Variants in NTRK2 observed in about 807,000 individuals in gnomAD.
NTRK2 encodes neurotrophic receptor tyrosine kinase 2.
NTRK2 carries 13 observed loss-of-function variants against 94.5 expected under a neutral mutation model. That is an observed-to-expected ratio of 0.14 (90% CI 0.09 to 0.22). NTRK2 has a LOEUF of 0.22. Ranked by LOEUF, NTRK2 falls within the 10% of genes least tolerant of loss-of-function variation. NTRK2 has a pLI of 1.00. For missense variants in NTRK2, 639 were observed against 1,071.2 expected, an observed-to-expected ratio of 0.60 and a Z score of 5.63; for synonymous variants, 372 against 407.4, an observed-to-expected ratio of 0.91 and a Z score of 1.05.
chr9:84,978,933 A>G (rs1161554585), intron 17 of NTRK2, among the ~76,000 whole-genome samples: 11 of 152,224 alleles, frequency 7.2e-5, no homozygotes, highest in Non-Finnish European at 7.3e-5. Context: ...TGTTTACACC[A>G]TGGTTAACTG....
chr9:84,679,964 C>A (rs1307451196), intron 2 of NTRK2, among the ~76,000 whole-genome samples: 2 of 152,084 alleles, frequency 1.3e-5, no homozygotes, highest in African/African-American at 4.8e-5. Context: ...CCATTCCTGG[C>A]CCACTTCTGT....
intron 12 of NTRK2, among the ~76,000 whole-genome samples, chr9:84,825,285 T>G (rs976606696): frequency 7.2e-5 from 11 of 152,066 alleles, no homozygotes; most frequent in Admixed American, 2.6e-4. Flanking sequence ...TTCCACCCCC[T>G]GAGCCCCACA....
chr9:84,781,868 C>T (rs2067604204), intron 12 of NTRK2, among the ~76,000 whole-genome samples: 1 of 152,136 alleles, frequency 6.6e-6, no homozygotes. Context: ...TCTCTAGCGT[C>T]TTTCTTTTCA....
chr9:84,848,018 A>G (rs905689961), intron 12 of NTRK2, among the ~76,000 whole-genome samples: 5 of 151,942 alleles, frequency 3.3e-5, no homozygotes, highest in Admixed American at 3.3e-4. Context: ...TGGTTTGCCA[A>G]TGGCCACCTT....
At chr9:85,004,450 T>C (rs571785773) in intron 17 of NTRK2, among the ~76,000 whole-genome samples, 23 of 152,210 alleles carry the variant, frequency 1.5e-4, no homozygotes, top group African/African-American at 5.3e-4. Flanking sequence ...CTGGAAGACT[T>C]TTATATATTT....
chr9:84,844,573 G>T (rs2074362212), intron 12 of NTRK2, among the ~76,000 whole-genome samples: 1 of 149,996 alleles, frequency 6.7e-6, no homozygotes, highest in East Asian at 2.0e-4. Flanking sequence ...GAACTGAGAA[G>T]CACAGTAACT....
intron 12 of NTRK2, among the ~76,000 whole-genome samples, chr9:84,756,093 A>G (rs2065060694): frequency 6.6e-6 from 1 of 152,154 alleles, no homozygotes; most frequent in South Asian, 2.1e-4. Context: ...TAAAATGTAT[A>G]CCAAATCTGT....
At chr9:84,851,884 A>G (rs1205530466) in intron 12 of NTRK2, among the ~76,000 whole-genome samples, 2 of 152,242 alleles carry the variant, frequency 1.3e-5, no homozygotes, top group Admixed American at 6.5e-5. Context: ...AAGAATTTGC[A>G]TGTTTTATAT....
intron 12 of NTRK2, among the ~76,000 whole-genome samples, chr9:84,820,169 C>CTTTTTTTTTTTTT (rs902886137): frequency 7.5e-6 from 1 of 132,546 alleles, no homozygotes. Context: ...TTCTTTCTTT[C>CTTTTTTTTTTTTT]TTTTTTTTTT....
chr9:84,797,893 A>G (rs1244776406), intron 12 of NTRK2, among the ~76,000 whole-genome samples: 1 of 121,078 alleles, frequency 8.3e-6, no homozygotes, highest in East Asian at 2.1e-4. Flanking sequence ...AATAATTATT[A>G]TTACTATAAT....
intron 12 of NTRK2, among the ~76,000 whole-genome samples, chr9:84,795,375 AC>A (rs1213822547): frequency 6.6e-6 from 1 of 152,166 alleles, no homozygotes; most frequent in African/African-American, 2.4e-5. Context: ...AGTCTTGGCC[AC>A]GTCTGTGCCT....
chr9:84,794,864 A>G (rs2069121187), intron 12 of NTRK2, among the ~76,000 whole-genome samples: 1 of 152,152 alleles, frequency 6.6e-6, no homozygotes. Context: ...ACCTCTCTAT[A>G]TTTGGTAAGA....
chr9:85,019,454 A>G (rs1232188684), intron 17 of NTRK2, among the ~76,000 whole-genome samples: 1 of 152,222 alleles, frequency 6.6e-6, no homozygotes, highest in Admixed American at 6.5e-5. Context: ...GAAGTCATAT[A>G]CAATTTTACT....
In NTRK2 at chr9:84,856,711, G is replaced by A. The variant is rs77822929; in HGVS notation, c.1397-4329G>A. ...TTTTATTAGTAAATCATATTTTACCGTTTGATTCCATATTCCATGACAATG... is the reference window on the plus strand; with the variant it reads ...TTTTATTAGTAAATCATATTTTACCATTTGATTCCATATTCCATGACAATG... On this transcript the variant is annotated intron_variant, in intron 12 of 18. Transcript: ENST00000277120. Among the ~76,000 whole-genome samples the A allele has an allele frequency of 5.0e-3, 761 of 152,240 alleles. 14 individuals carry two copies. The highest frequency in any genetic ancestry group is 0.041 in the Admixed American group (622 of 15,284).
In NTRK2 at chr9:84,671,758, T is replaced by C. The variant is rs1182062355; in HGVS notation, c.212+798T>C. ...GGCTGGCTTTAGCATTGGACCTCTG[T>C]GTCCCTGGAAATGTTTGAGCTTGTT... On this transcript the variant is annotated intron_variant, in intron 2 of 18. Coordinates refer to ENST00000277120, the MANE Select transcript of NTRK2 (RefSeq NM_006180.6). Among the ~76,000 whole-genome samples the C allele has an allele frequency of 2.6e-5, 4 of 152,362 alleles. No homozygotes were observed. The South Asian group carries it at 8.3e-4, about 32-fold the overall frequency.
intron 14 of NTRK2, among the ~76,000 whole-genome samples, chr9:84,891,923 GT>G (rs34263467): frequency 4.4e-4 from 65 of 147,660 alleles, no homozygotes; most frequent in African/African-American, 8.7e-4. Context: ...ACTAAAACTG[GT>G]TTTTTTTTTT....
intron 2 of NTRK2, among the ~76,000 whole-genome samples, chr9:84,688,230 G>A (rs955780434): frequency 1.3e-5 from 2 of 152,204 alleles, no homozygotes; most frequent in Admixed American, 6.5e-5. Context: ...AGAACAGAGT[G>A]ATGGACTCCA....
At chr9:84,964,849 T>C (rs1292280275) in intron 17 of NTRK2, among the ~76,000 whole-genome samples, 2 of 152,280 alleles carry the variant, frequency 1.3e-5, no homozygotes, top group African/African-American at 4.8e-5. Context: ...TTTCTCTTGA[T>C]AATGAATATA....
At chr9:85,002,646 A>G (rs535613513) in intron 17 of NTRK2, among the ~76,000 whole-genome samples, 1 of 152,344 alleles carries the variant, frequency 6.6e-6, no homozygotes, top group Non-Finnish European at 1.5e-5. Context: ...AGGTTTACTA[A>G]ATACACACTG....
Sources: gnomAD v4.1 joint callset for allele counts (sites outside exome capture counted in the v4.1 genomes callset) on GRCh38, gnomAD v4.1.1 for gene constraint, MANE v1.5 for transcripts, NCBI Gene and HGNC (gene_info 2026-07-23, HGNC 2026-07-21) for gene names.